KIAA0825: variants seen among roughly 807,000 people sequenced by gnomAD.
KIAA0825 encodes the protein uncharacterized protein KIAA0825.
KIAA0825 carries 119 observed loss-of-function variants against 147.6 expected under a neutral mutation model. The ratio of observed to expected loss-of-function variants is 0.81; its 90% CI spans 0.69 to 0.94. The LOEUF (loss-of-function observed/expected upper bound fraction) is 0.94. Among genes scored for constraint, KIAA0825 ranks in the 40% least tolerant of loss-of-function variants. The pLI, the probability that KIAA0825 is intolerant of heterozygous loss-of-function variation, is 0.00. For synonymous variants in KIAA0825, 470 were observed against 518.1 expected, an observed-to-expected ratio of 0.91 and a Z score of 1.26; for missense variants, 1,381 against 1,472.7, an observed-to-expected ratio of 0.94 and a Z score of 1.02.
At chr5:94,494,502 T>C (rs888327007) in intron 5 of KIAA0825, among the ~76,000 whole-genome samples, 3 of 152,156 alleles carry the variant, frequency 2.0e-5, no homozygotes, top group African/African-American at 7.2e-5. Flanking sequence ...TTTTGTTTTA[T>C]GCTGGTTTAA....
chr5:94,262,920 C>G (rs1776566825), intron 20 of KIAA0825, among the ~76,000 whole-genome samples: 1 of 152,124 alleles, frequency 6.6e-6, no homozygotes, highest in Non-Finnish European at 1.5e-5. Flanking sequence ...ACAGTCTTCT[C>G]TACCTCCGCA....
chr5:94,533,190 G>C (rs1771226191), intron 3 of KIAA0825, among the ~76,000 whole-genome samples: 1 of 151,608 alleles, frequency 6.6e-6, no homozygotes, highest in East Asian at 1.9e-4. Context: ...GTGTTAGCCA[G>C]GATGGTCTCC....
intron 13 of KIAA0825, among the ~76,000 whole-genome samples, chr5:94,444,682 AG>A (rs2150867149): frequency 6.6e-6 from 1 of 152,254 alleles, no homozygotes; most frequent in East Asian, 1.9e-4. Flanking sequence ...AAATATCTGC[AG>A]CAGGGGGTAC....
At chr5:94,434,198 A>AAT (rs1756054633) in intron 14 of KIAA0825, among the ~76,000 whole-genome samples, 1 of 152,226 alleles carries the variant, frequency 6.6e-6, no homozygotes, top group Non-Finnish European at 1.5e-5. Context: ...TACCATGTGA[A>AAT]ATCAGTTTAC....
chr5:94,486,599 C>T (rs780771798), intron 5 of KIAA0825, among the ~76,000 whole-genome samples: 10 of 152,054 alleles, frequency 6.6e-5, no homozygotes, highest in African/African-American at 1.4e-4. Context: ...TCTAAGTTGA[C>T]GTTAGCCCAA....
intron 14 of KIAA0825, among the ~76,000 whole-genome samples, chr5:94,419,285 T>C (rs1443580198): frequency 6.6e-6 from 1 of 152,200 alleles, no homozygotes; most frequent in African/African-American, 2.4e-5. Flanking sequence ...ATATTCCTAA[T>C]CCAGGCTTTC....
intron 20 of KIAA0825, among the ~76,000 whole-genome samples, chr5:94,380,644 G>A (rs938041218): frequency 1.3e-5 from 2 of 152,230 alleles, no homozygotes; most frequent in African/African-American, 4.8e-5. Context: ...CCCTTTAGAT[G>A]GGTGAAATAG....
chr5:94,574,443 C>G (rs1313266806), intron 2 of KIAA0825, among the ~76,000 whole-genome samples: 1 of 146,742 alleles, frequency 6.8e-6, no homozygotes, highest in East Asian at 2.1e-4. Context: ...ACTCAGGAGG[C>G]TGAGGCAGGA....
intron 20 of KIAA0825, among the ~76,000 whole-genome samples, chr5:94,375,724 G>A (rs929090464): frequency 6.6e-6 from 1 of 152,158 alleles, no homozygotes; most frequent in African/African-American, 2.4e-5. Flanking sequence ...TAAGGTAGAT[G>A]GTGGAAAGTC....
intron 12 of KIAA0825, among the ~76,000 whole-genome samples, chr5:94,457,526 A>G (rs1162292022): frequency 1.3e-5 from 2 of 152,204 alleles, no homozygotes; most frequent in Non-Finnish European, 2.9e-5. Flanking sequence ...AGCCTCAACT[A>G]GCTATGCCCC....
At chr5:94,423,249 T>A (rs1310693144) in intron 14 of KIAA0825, among the ~76,000 whole-genome samples, 1 of 152,130 alleles carries the variant, frequency 6.6e-6, no homozygotes, top group African/African-American at 2.4e-5. Context: ...ATATTTAAGG[T>A]CACATATTCT....
At chr5:94,519,842 A>G (rs1767826793) in intron 5 of KIAA0825, 2 of 653,882 alleles carry the variant, frequency 3.1e-6, no homozygotes, top group African/African-American at 2.0e-5. Context: ...CTAAATGTAC[A>G]TATATATAAC....
chr5:94,543,510 G>A (rs1773744461), intron 2 of KIAA0825, among the ~76,000 whole-genome samples: 3 of 152,024 alleles, frequency 2.0e-5, no homozygotes, highest in Non-Finnish European at 4.4e-5. Context: ...ACTGATGCTT[G>A]AGAAAATAAA....
At chr5:94,592,903 T>A in intron 1 of KIAA0825, 1 of 586,780 alleles carries the variant, frequency 1.7e-6, no homozygotes, top group Non-Finnish European at 3.2e-6. Flanking sequence ...GATGAATAAG[T>A]GTATAGATGA....
At position 94,417,232 on chromosome 5, in the gene KIAA0825, C is replaced by T. The variant is rs1321753190; in HGVS notation, c.2631G>A (p.Glu877=). Residue 877 remains glutamate, a synonymous_variant, in exon 15 of 21, where the codon GAG becomes GAA. Transcript: ENST00000682413. ...ANVFVSYMEE[E]QLWDFLYNIP... ...TGTTATATAAAAAGTCCCATAATTG[C>T]TCTTCTTCCATGTAGCTCACAAAAA... The T allele has an allele frequency of 1.3e-6, 2 of 1,550,800 alleles. No homozygotes were observed. Among genetic ancestry groups the T allele is most frequent in the Admixed American group, 2.0e-5 (1 of 50,960 alleles).
intron 1 of KIAA0825, among the ~76,000 whole-genome samples, chr5:94,604,534 G>A (rs1252496132): frequency 6.6e-6 from 1 of 152,060 alleles, no homozygotes; most frequent in African/African-American, 2.4e-5. Context: ...ACTCCAGCCT[G>A]GGCGACAGAA....
intron 3 of KIAA0825, among the ~76,000 whole-genome samples, chr5:94,532,626 A>C (rs1178137509): frequency 6.6e-6 from 1 of 151,546 alleles, no homozygotes; most frequent in Non-Finnish European, 1.5e-5. Flanking sequence ...TCCTGGGCTC[A>C]AGCAATCCTC....
intron 14 of KIAA0825, among the ~76,000 whole-genome samples, chr5:94,436,622 T>A (rs548126220): frequency 2.6e-5 from 4 of 152,258 alleles, no homozygotes; most frequent in Admixed American, 2.0e-4. Context: ...TTTGGTTCCA[T>A]ATGAATTAAA....
chr5:94,537,345 A>G (rs753627548), intron 2 of KIAA0825, among the ~76,000 whole-genome samples: 8 of 152,144 alleles, frequency 5.3e-5, no homozygotes, highest in Non-Finnish European at 1.2e-4. Context: ...TAATTTTCGC[A>G]CTTCTGTATT....
Sources: allele counts gnomAD v4.1 joint callset (sites outside exome capture counted in the v4.1 genomes callset), GRCh38; gene constraint gnomAD v4.1.1; transcripts MANE v1.5; gene names NCBI Gene and HGNC (gene_info 2026-07-23, HGNC 2026-07-21).